Variants in CAMK1D observed in about 807,000 individuals in gnomAD.
CAMK1D encodes the protein calcium/calmodulin dependent protein kinase ID, also known as calcium/calmodulin-dependent protein kinase type 1D.
A neutral mutation model predicts 47.7 loss-of-function variants in CAMK1D; 9 were observed. That is an observed-to-expected ratio of 0.19 (90% confidence interval 0.11 to 0.33). The LOEUF is 0.33. CAMK1D is among the 10% of genes least tolerant of loss of function. The probability of loss-of-function intolerance (pLI) is 1.00; values close to 1 mark genes in which losing one functional copy is unlikely to be tolerated. For missense variants in CAMK1D, 291 were observed against 488.7 expected (o/e 0.60, Z 3.81); for synonymous variants, 184 against 184.9 (o/e 0.99, Z 0.04).
chr10:12,829,215 G>T lies in CAMK1D; in HGVS notation c.*328G>T. 2 of 207,394 alleles carry T rather than the reference G, an allele frequency of 9.6e-6. No homozygotes were observed. The highest frequency in any genetic ancestry group is 1.9e-5 in the Non-Finnish European group (2 of 104,692). The allele number at this position is 207,394 out of a possible 1,614,324, so 12.8% of individuals were successfully genotyped here. Reference sequence around the variant, plus strand: ...CTTCTCAGTGTAGGTAACCGTCTATGGTGTGTTTTTTCATTAATGACAAAA... The same window carrying T: ...CTTCTCAGTGTAGGTAACCGTCTATTGTGTGTTTTTTCATTAATGACAAAA... On this transcript the variant is annotated 3_prime_UTR_variant, in exon 11 of 11. Transcript: ENST00000619168.
At chr10:12,562,357 T>C (rs982749365) in intron 2 of CAMK1D, among the ~76,000 whole-genome samples, 15 of 152,314 alleles carry the variant, frequency 9.8e-5, no homozygotes, top group South Asian at 2.1e-4. Context: ...CACTGCTGCA[T>C]TGAGGATTTA....
At chr10:12,381,524 C>T (rs1016924856) in intron 1 of CAMK1D, among the ~76,000 whole-genome samples, 10 of 151,946 alleles carry the variant, frequency 6.6e-5, no homozygotes, top group South Asian at 2.1e-4. Context: ...TTAGTAGAGA[C>T]GGGTTTCACC....
intron 1 of CAMK1D, among the ~76,000 whole-genome samples, chr10:12,422,733 C>T (rs1840098625): frequency 1.3e-5 from 2 of 151,520 alleles, no homozygotes; most frequent in South Asian, 4.2e-4. Context: ...AGTGCAGTGG[C>T]ATAATCTCGG....
rs1475610333 is a variant in CAMK1D, at chr10:12,831,383, G to A, written c.*2496G>A. On this transcript the variant is annotated 3_prime_UTR_variant, in exon 11 of 11. Coordinates refer to ENST00000619168, the MANE Select transcript of CAMK1D (RefSeq NM_153498.4). The stretch of plus-strand genomic sequence containing the variant: ...AAATGCACCCGAATCTGGTACCTAG[G>A]ATGAGTACATGAATAGTGATGAATA... The A allele has an allele frequency of 6.6e-6, 1 of 152,214 alleles. No homozygotes were observed. The highest frequency in any genetic ancestry group is 2.4e-5 in the African/African-American group (1 of 41,446). The allele number at this position is 152,214 out of a possible 1,614,324, so 9.4% of individuals were successfully genotyped here.
chr10:12,722,858 A>G (rs1834454618), intron 3 of CAMK1D, among the ~76,000 whole-genome samples: 2 of 152,214 alleles, frequency 1.3e-5, no homozygotes, highest in South Asian at 4.1e-4. Context: ...GAAGTAGAAG[A>G]GAGTAAAGAG....
chr10:12,786,895 G>A (rs1837748443), intron 5 of CAMK1D, among the ~76,000 whole-genome samples: 1 of 152,202 alleles, frequency 6.6e-6, no homozygotes, highest in Admixed American at 6.5e-5. Flanking sequence ...GGCCAAGGCG[G>A]GTGGATCACC....
chr10:12,777,986 G>A (rs1837336947), intron 5 of CAMK1D, among the ~76,000 whole-genome samples: 9 of 152,226 alleles, frequency 5.9e-5, no homozygotes, highest in Admixed American at 5.2e-4. Context: ...CTGGGCCCAA[G>A]CCAGGGGCAG....
intron 2 of CAMK1D, among the ~76,000 whole-genome samples, chr10:12,645,738 A>T (rs1839793631): frequency 6.6e-6 from 1 of 152,222 alleles, no homozygotes; most frequent in African/African-American, 2.4e-5. Context: ...CAAGAACGTA[A>T]CAAAGGAAAG....
At chr10:12,423,500 GT>G (rs1428821650) in intron 1 of CAMK1D, among the ~76,000 whole-genome samples, 26 of 151,294 alleles carry the variant, frequency 1.7e-4, no homozygotes, top group Non-Finnish European at 3.7e-4. Flanking sequence ...AGGGGACAGA[GT>G]GAGTCTGTTT....
At chr10:12,747,834 G>C (rs1295461897) in intron 3 of CAMK1D, among the ~76,000 whole-genome samples, 1 of 152,170 alleles carries the variant, frequency 6.6e-6, no homozygotes, top group Non-Finnish European at 1.5e-5. Flanking sequence ...CTTTAAAGCA[G>C]TCAAGCAGGA....
chr10:12,681,713 T>G (rs1832444835), intron 3 of CAMK1D, among the ~76,000 whole-genome samples: 1 of 152,240 alleles, frequency 6.6e-6, no homozygotes, highest in African/African-American at 2.4e-5. Context: ...TAACATGGTA[T>G]CAAACTTATT....
At chr10:12,817,287 G>A (rs1175754327) in intron 8 of CAMK1D, among the ~76,000 whole-genome samples, 1 of 152,214 alleles carries the variant, frequency 6.6e-6, no homozygotes. Flanking sequence ...GAAGATAATT[G>A]CCCAATGAGG....
chr10:12,352,879 G>A (rs771837960), intron 1 of CAMK1D, among the ~76,000 whole-genome samples: 5 of 151,760 alleles, frequency 3.3e-5, no homozygotes, highest in Non-Finnish European at 4.4e-5. Flanking sequence ...TGGGACTACA[G>A]ACGCCCGCCG....
chr10:12,721,643 T>G (rs969425156), intron 3 of CAMK1D, among the ~76,000 whole-genome samples: 1 of 152,198 alleles, frequency 6.6e-6, no homozygotes, highest in African/African-American at 2.4e-5. Context: ...ACAAGGACCC[T>G]GTGCTCACAG....
At chr10:12,576,594 G>A (rs1378709442) in intron 2 of CAMK1D, among the ~76,000 whole-genome samples, 1 of 152,132 alleles carries the variant, frequency 6.6e-6, no homozygotes, top group Non-Finnish European at 1.5e-5. Flanking sequence ...GATGGTGACA[G>A]ATCATCAGGC....
intron 3 of CAMK1D, among the ~76,000 whole-genome samples, chr10:12,737,378 A>C (rs1835235122): frequency 6.6e-6 from 1 of 152,100 alleles, no homozygotes; most frequent in African/African-American, 2.4e-5. Context: ...TTTCTGCCCA[A>C]AGTGCTGTGT....
chr10:12,729,564 G>A (rs990949864), intron 3 of CAMK1D, among the ~76,000 whole-genome samples: 3 of 152,108 alleles, frequency 2.0e-5, no homozygotes, highest in Admixed American at 1.3e-4. Context: ...CTTGAGCCCG[G>A]GCTGCAGTGA....
At chr10:12,703,821 A>G (rs1833624536) in intron 3 of CAMK1D, among the ~76,000 whole-genome samples, 3 of 151,804 alleles carry the variant, frequency 2.0e-5, no homozygotes. Flanking sequence ...GTGAGCCGAG[A>G]TCACGCCACT....
chr10:12,531,041 G>C (rs996313455), intron 1 of CAMK1D, among the ~76,000 whole-genome samples: 2 of 145,084 alleles, frequency 1.4e-5, no homozygotes, highest in African/African-American at 2.6e-5. Context: ...CTGGAAGACA[G>C]GGTGAGACTC....
Sources: gnomAD v4.1 joint callset for allele counts (sites outside exome capture counted in the v4.1 genomes callset) on GRCh38, gnomAD v4.1.1 for gene constraint, MANE v1.5 for transcripts, NCBI Gene and HGNC (gene_info 2026-07-23, HGNC 2026-07-21) for gene names.